EPHA6: variants seen among roughly 807,000 people sequenced by gnomAD.
EPHA6 encodes the protein ephrin type-A receptor 6.
In EPHA6, 50 loss-of-function variants were observed where a neutral mutation model predicts 112.0. That is an observed-to-expected ratio of 0.45 (90% CI 0.36 to 0.56). The LOEUF is 0.56. EPHA6 is among the 20% of genes least tolerant of loss of function. EPHA6 has a pLI of 0.00. For synonymous variants in EPHA6, 529 were observed against 490.7 expected (o/e 1.08, Z -1.03); for missense variants, 1,280 against 1,417.4 (o/e 0.90, Z 1.56).
At chr3:97,076,863 G>T (rs1409628756) in intron 3 of EPHA6, among the ~76,000 whole-genome samples, 1 of 152,084 alleles carries the variant, frequency 6.6e-6, no homozygotes, top group Non-Finnish European at 1.5e-5. Flanking sequence ...AAGCCTTGAT[G>T]ACAGCACATC....
At chr3:97,470,600 C>T (rs2091199769) in intron 7 of EPHA6, among the ~76,000 whole-genome samples, 1 of 151,612 alleles carries the variant, frequency 6.6e-6, no homozygotes, top group African/African-American at 2.4e-5. Context: ...AATTGCCTTT[C>T]TCCGACACTT....
intron 11 of EPHA6, among the ~76,000 whole-genome samples, chr3:97,582,724 T>C (rs1374191905): frequency 6.6e-6 from 1 of 152,158 alleles, no homozygotes; most frequent in Non-Finnish European, 1.5e-5. Flanking sequence ...TATTAAATAG[T>C]AACATGGAAA....
At chr3:96,905,050 G>A (rs1575989226) in intron 2 of EPHA6, among the ~76,000 whole-genome samples, 1 of 152,004 alleles carries the variant, frequency 6.6e-6, no homozygotes, top group African/African-American at 2.4e-5. Context: ...ATTTATGAGA[G>A]TTTTGCCAAA....
chr3:96,945,541 G>T (rs1226951663), intron 2 of EPHA6, among the ~76,000 whole-genome samples: 3 of 152,098 alleles, frequency 2.0e-5, no homozygotes, highest in African/African-American at 7.2e-5. Context: ...GTGTTACTTT[G>T]GTCAGGTCAC....
At chr3:96,859,170 A>T (rs2035866821) in intron 1 of EPHA6, among the ~76,000 whole-genome samples, 1 of 152,120 alleles carries the variant, frequency 6.6e-6, no homozygotes, top group East Asian at 1.9e-4. Flanking sequence ...CCCCCCCAAC[A>T]CACACTCACA....
chr3:97,244,630 A>T, intron 5 of EPHA6: 1 of 325,872 alleles, frequency 3.1e-6, no homozygotes, highest in Non-Finnish European at 5.5e-6. Context: ...ATTGAATTTC[A>T]ATTGCCCCAC....
intron 2 of EPHA6, among the ~76,000 whole-genome samples, chr3:96,879,825 A>G (rs906342366): frequency 6.6e-6 from 1 of 152,124 alleles, no homozygotes; most frequent in East Asian, 1.9e-4. Flanking sequence ...GTTGGTGCAT[A>G]GAGTGCTACC....
At chr3:96,909,323 T>C (rs1490754196) in intron 2 of EPHA6, among the ~76,000 whole-genome samples, 1 of 151,974 alleles carries the variant, frequency 6.6e-6, no homozygotes, top group Non-Finnish European at 1.5e-5. Flanking sequence ...ATCTATAATC[T>C]TTGAAATAGT....
At chr3:96,970,593 CTTA>C (rs1233407102) in intron 2 of EPHA6, among the ~76,000 whole-genome samples, 7 of 152,026 alleles carry the variant, frequency 4.6e-5, no homozygotes, top group African/African-American at 2.4e-5. Context: ...TTTAAGCTTT[CTTA>C]TTATTAATTT....
At chr3:97,290,809 C>T (rs1450954802) in intron 5 of EPHA6, among the ~76,000 whole-genome samples, 2 of 151,094 alleles carry the variant, frequency 1.3e-5, no homozygotes, top group Admixed American at 1.3e-4. Context: ...ATTGATTTTG[C>T]TCATCTTTTT....
intron 3 of EPHA6, among the ~76,000 whole-genome samples, chr3:97,000,797 TTA>T (rs577138468): frequency 7.2e-4 from 102 of 141,926 alleles, no homozygotes; most frequent in African/African-American, 2.1e-3. Context: ...GTAAGCTAAG[TTA>T]TATATATATA....
rs983536156 is a variant in EPHA6 at position 97,278,176 on chromosome 3, A to T, written c.1606+33889A>T. 3.3e-5 allele frequency among the ~76,000 whole-genome samples: 5 copies of T among 152,318 alleles called. No homozygotes were observed. The East Asian group carries it at 7.7e-4, about 23-fold the overall frequency. ...TTCCTCTCTGATTTTGATTTCTCAT[A>T]CATTTCTTTAAAGCAAATATGGTGA... On this transcript the variant is annotated intron_variant, in intron 5 of 17. Coordinates refer to ENST00000389672, the MANE Select transcript of EPHA6 (RefSeq NM_001080448.3).
chr3:97,479,914 G>A (rs1222603056), intron 9 of EPHA6, among the ~76,000 whole-genome samples: 1 of 152,068 alleles, frequency 6.6e-6, no homozygotes, highest in Non-Finnish European at 1.5e-5. Flanking sequence ...TTTGATAACT[G>A]ACAACTTCTC....
chr3:97,583,042 A>G (rs1039842105), intron 11 of EPHA6, among the ~76,000 whole-genome samples: 7 of 149,682 alleles, frequency 4.7e-5, no homozygotes, highest in Non-Finnish European at 8.9e-5. Context: ...AGCCTGCCTC[A>G]TGACCTCTTT....
Position 97,473,250 on chromosome 3 carries a change from T to A in EPHA6, c.1895-2102T>A, listed in dbSNP as rs560645203. ...ACATTTTATTCTCCACAGAGGAGTG[T>A]TTACAGTTCCTAAGTTTAAGAAACA... is the stretch of plus-strand genomic sequence containing the variant. On this transcript the variant is annotated intron_variant, in intron 7 of 17. Transcript: ENST00000389672. Among the ~76,000 whole-genome samples the A allele has an allele frequency of 4.6e-5, 7 of 151,896 alleles. No homozygotes were observed. In the South Asian group the frequency reaches 1.5e-3, roughly 31 times the overall value.
intron 8 of EPHA6, among the ~76,000 whole-genome samples, chr3:97,478,917 G>A (rs1379761886): frequency 2.0e-5 from 3 of 152,128 alleles, no homozygotes. Flanking sequence ...CCATCCTGCT[G>A]TTTAGCAGTG....
intron 10 of EPHA6, among the ~76,000 whole-genome samples, chr3:97,499,721 C>A (rs1282013487): frequency 6.6e-6 from 1 of 152,050 alleles, no homozygotes; most frequent in Non-Finnish European, 1.5e-5. Flanking sequence ...AGTAAAAATG[C>A]AGCATAAAAA....
intron 1 of EPHA6, among the ~76,000 whole-genome samples, chr3:96,842,807 G>T (rs1317367782): frequency 2.0e-5 from 3 of 151,998 alleles, no homozygotes; most frequent in African/African-American, 4.8e-5. Context: ...ATTTTGTCCA[G>T]ATCAGAATGT....
intron 11 of EPHA6, among the ~76,000 whole-genome samples, chr3:97,533,997 G>A (rs1413484844): frequency 6.6e-6 from 1 of 152,122 alleles, no homozygotes; most frequent in Non-Finnish European, 1.5e-5. Flanking sequence ...TGATTAAATG[G>A]TTGTTGTTTT....
Sources: gnomAD v4.1 joint callset for allele counts (sites outside exome capture counted in the v4.1 genomes callset) on GRCh38, gnomAD v4.1.1 for gene constraint, MANE v1.5 for transcripts, NCBI Gene and HGNC (gene_info 2026-07-23, HGNC 2026-07-21) for gene names.